USH2A: variants seen among roughly 807,000 people sequenced by gnomAD.
The protein encoded by USH2A is usherin.
USH2A carries 443 observed loss-of-function variants against 538.9 expected under a neutral mutation model. The ratio of observed to expected loss-of-function variants is 0.82; its 90% CI spans 0.76 to 0.89. The LOEUF (loss-of-function observed/expected upper bound fraction) is 0.89, where lower values mean the gene tolerates loss of function less well. USH2A is among the 40% of genes least tolerant of loss of function. The probability of loss-of-function intolerance (pLI) is 0.00; values close to 1 mark genes in which losing one functional copy is unlikely to be tolerated. For synonymous variants in USH2A, 2,413 were observed against 2,273.5 expected (o/e 1.06, Z -1.75); for missense variants, 6,633 against 6,324.8 (o/e 1.05, Z -1.65).
At chr1:216,096,689 C>G (rs1466682825) in intron 22 of USH2A, among the ~76,000 whole-genome samples, 1 of 151,906 alleles carries the variant, frequency 6.6e-6, no homozygotes, top group Non-Finnish European at 1.5e-5. Flanking sequence ...TACCCGATAG[C>G]CACTTAAATA....
rs577393945 is a variant in USH2A, at chr1:216,175,216, G to A, written c.4627+36C>T. ...AATATAGAAAACATTTTGGAGCTTCGTGTCTCCTAAATAAAGCAATGTCAA... is the reference window on the plus strand; with the variant it reads ...AATATAGAAAACATTTTGGAGCTTCATGTCTCCTAAATAAAGCAATGTCAA... On this transcript the variant is annotated intron_variant, in intron 21 of 71. Transcript: ENST00000307340. 95 of 1,612,590 alleles carry A rather than the reference G, an allele frequency of 5.9e-5. No homozygotes were observed. In the Middle Eastern group the frequency reaches 1.6e-3, roughly 28 times the overall value.
intron 11 of USH2A, among the ~76,000 whole-genome samples, chr1:216,273,206 A>G (rs898732560): frequency 1.3e-5 from 2 of 152,102 alleles, no homozygotes; most frequent in Admixed American, 1.3e-4. Flanking sequence ...TGGAGAACCT[A>G]AAGTTCAGTG....
intron 11 of USH2A, among the ~76,000 whole-genome samples, chr1:216,281,690 G>T (rs865943907): frequency 3.9e-5 from 6 of 151,984 alleles, no homozygotes; most frequent in South Asian, 2.1e-4. Context: ...GATTTTATGA[G>T]GATATATGAT....
In USH2A at chr1:216,133,562, A is replaced by G. The variant is rs113682410; in HGVS notation, c.4628-36349T>C. On this transcript the variant is annotated intron_variant, in intron 21 of 71. Transcript: ENST00000307340. ...CCCTCATTGTGATCGTTGACTGCTG[A>G]TCACTTCCCTCAGCTGAGGAATTAG... 4.3e-3 allele frequency among the ~76,000 whole-genome samples: 657 copies of G among 152,208 alleles called. 1 individual carries two copies. The highest frequency in any genetic ancestry group is 0.015 in the African/African-American group (632 of 41,556).
chr1:215,744,138 A>T (rs566377811), intron 58 of USH2A, among the ~76,000 whole-genome samples: 1 of 152,330 alleles, frequency 6.6e-6, no homozygotes, highest in African/African-American at 2.4e-5. Context: ...AGCATTGTGT[A>T]TGCCTCCTGT....
At chr1:215,651,153 G>C (rs1657067740) in intron 64 of USH2A, among the ~76,000 whole-genome samples, 1 of 152,146 alleles carries the variant, frequency 6.6e-6, no homozygotes, top group Non-Finnish European at 1.5e-5. Flanking sequence ...TGGATCTGCA[G>C]ACTACAAAAA....
At chr1:215,762,792 G>T (rs566871139) in intron 56 of USH2A, among the ~76,000 whole-genome samples, 60 of 152,244 alleles carry the variant, frequency 3.9e-4, no homozygotes, top group Non-Finnish European at 1.8e-4. Context: ...TCAAGTGAAA[G>T]AAATGAATAG....
At chr1:216,379,137 C>T (rs2102731020) in intron 3 of USH2A, among the ~76,000 whole-genome samples, 1 of 152,222 alleles carries the variant, frequency 6.6e-6, no homozygotes, top group South Asian at 2.1e-4. Context: ...GCATGAGAAG[C>T]TGACCCAGAC....
intron 4 of USH2A, among the ~76,000 whole-genome samples, chr1:216,333,004 T>TA (rs1368870671): frequency 1.3e-5 from 2 of 152,116 alleles, no homozygotes; most frequent in Non-Finnish European, 2.9e-5. Context: ...TGTAAGCTCA[T>TA]ACATTAAACT....
intron 3 of USH2A, among the ~76,000 whole-genome samples, chr1:216,368,938 C>A (rs1311779696): frequency 1.3e-5 from 2 of 152,058 alleles, no homozygotes; most frequent in Non-Finnish European, 2.9e-5. Context: ...CAGAATAACA[C>A]CTTTCTAATA....
chr1:215,826,928 T>G (rs146018243), intron 47 of USH2A, among the ~76,000 whole-genome samples: 17 of 152,212 alleles, frequency 1.1e-4, no homozygotes, highest in South Asian at 1.0e-3. Context: ...CTTAGGGGAT[T>G]AAAAATACTT....
At chr1:215,677,926 T>A (rs1210921730) in intron 62 of USH2A, among the ~76,000 whole-genome samples, 1 of 152,224 alleles carries the variant, frequency 6.6e-6, no homozygotes, top group Non-Finnish European at 1.5e-5. Context: ...TGCTCCTAAC[T>A]TGTTCATCTT....
intron 11 of USH2A, among the ~76,000 whole-genome samples, chr1:216,256,521 T>C (rs1448089908): frequency 1.3e-5 from 2 of 151,954 alleles, no homozygotes. Context: ...AATTGTCCCT[T>C]GAACAACATG....
chr1:216,269,934 A>G (rs1409347007), intron 11 of USH2A, among the ~76,000 whole-genome samples: 1 of 152,120 alleles, frequency 6.6e-6, no homozygotes, highest in Admixed American at 6.6e-5. Context: ...ACATTAGGAG[A>G]TAAAATTCTA....
chr1:216,111,663 A>G lies in USH2A; in HGVS notation c.4628-14450T>C, dbSNP rs533030743. ...TAAATAACTGCTGAAAAACAAGACAAATAAAATATGCCAATACAATACTCA... is the reference window on the plus strand; with the variant it reads ...TAAATAACTGCTGAAAAACAAGACAGATAAAATATGCCAATACAATACTCA... On this transcript the variant is annotated intron_variant, in intron 21 of 71. Transcript: ENST00000307340. 9.2e-5 allele frequency among the ~76,000 whole-genome samples: 14 copies of G among 151,612 alleles called. 1 individual carries two copies. The South Asian group carries it at 2.7e-3, about 29-fold the overall frequency.
At chr1:216,230,899 C>G (rs2035664306) in intron 14 of USH2A, among the ~76,000 whole-genome samples, 1 of 143,742 alleles carries the variant, frequency 7.0e-6, no homozygotes, top group Admixed American at 7.0e-5. Context: ...CTCTCTCTCT[C>G]ACACACACAC....
chr1:215,774,512 A>T (rs1305114445), intron 55 of USH2A, among the ~76,000 whole-genome samples: 1 of 151,998 alleles, frequency 6.6e-6, no homozygotes, highest in Admixed American at 6.6e-5. Context: ...TGATATATAT[A>T]TTTTGATTTT....
At chr1:216,139,142 G>A (rs143887932) in intron 21 of USH2A, among the ~76,000 whole-genome samples, 405 of 152,116 alleles carry the variant, frequency 2.7e-3, no homozygotes, top group African/African-American at 9.2e-3. Flanking sequence ...CTCAGCTTCA[G>A]TATTTCCTCT....
chr1:216,378,535 T>C (rs954412613), intron 3 of USH2A, among the ~76,000 whole-genome samples: 1 of 152,202 alleles, frequency 6.6e-6, no homozygotes, highest in Non-Finnish European at 1.5e-5. Flanking sequence ...GAGTCTTTAC[T>C]GTCAGATCTC....
Sources: gnomAD v4.1 joint callset for allele counts (sites outside exome capture counted in the v4.1 genomes callset) on GRCh38, gnomAD v4.1.1 for gene constraint, MANE v1.5 for transcripts, NCBI Gene and HGNC (gene_info 2026-07-23, HGNC 2026-07-21) for gene names.